Variants in ANOS1 observed in about 807,000 individuals in gnomAD.
ANOS1 encodes anosmin-1.
In ANOS1, 6 loss-of-function variants were observed where a neutral mutation model predicts 59.0. The observed-to-expected ratio is 0.10, with a 90% CI of 0.06 to 0.20. ANOS1 has a LOEUF of 0.20. Among genes scored for constraint, ANOS1 ranks in the 10% least tolerant of loss-of-function variants. ANOS1 has a pLI of 1.00. For missense variants in ANOS1, 433 were observed against 542.3 expected (o/e 0.80, Z 2.00); for synonymous variants, 217 against 223.4 (o/e 0.97, Z 0.25).
chrX:8,679,002 A>G (rs1932379200), intron 2 of ANOS1, among the ~76,000 whole-genome samples: 1 of 111,716 alleles, frequency 9.0e-6, no homozygotes, highest in African/African-American at 3.3e-5. Context: ...CGGCTCATAT[A>G]ATCTACAGAG....
At chrX:8,725,727 GATATATATATACAGAT>G (rs1420301667) in intron 1 of ANOS1, among the ~76,000 whole-genome samples, 2 of 44,386 alleles carry the variant, frequency 4.5e-5, no homozygotes, top group South Asian at 7.2e-4. Context: ...TATATATACA[GATATATATATACAGAT>G]ATATATATAT....
At position 8,722,020 on chromosome X, in the gene ANOS1, C is replaced by A. The variant is rs185986579; in HGVS notation, c.207+9810G>T. On this transcript the variant is annotated intron_variant, in intron 1 of 13. Coordinates refer to ENST00000262648, the MANE Select transcript of ANOS1 (RefSeq NM_000216.4). ...TTTCCCTAAAAAGATAAACACCCTC[C>A]CTCCTCTGAGATCTCATACAAAAAA... Among the ~76,000 whole-genome samples, 9 of 111,410 alleles carry A rather than the reference C, an allele frequency of 8.1e-5. No homozygotes were observed. The East Asian group carries it at 2.3e-3, about 28-fold the overall frequency.
rs1601958691 is a variant in ANOS1 at position 8,570,537 on chromosome X, C to A, written c.1024G>T (p.Val342Phe). ...TTTCTCCGCTTCTTCTTTGTTGGGA[C>A]AAGAGACTTACTGCTGACCATCCAG... ...WSWMVSSKSL[V>F]PTKKKRRKTT... Residue 342 changes from valine (V) to phenylalanine (F), a missense_variant, in exon 7 of 14, where the codon GTC (valine) becomes TTC (phenylalanine). Physicochemically the swap from Val to Phe is conservative, Grantham distance 50 (BLOSUM62 -1). Coordinates refer to ENST00000262648, the MANE Select transcript of ANOS1 (RefSeq NM_000216.4). The A allele has an allele frequency of 2.5e-6, 3 of 1,209,656 alleles. No homozygotes were observed. The highest frequency in any genetic ancestry group is 3.4e-6 in the Non-Finnish European group (3 of 894,871).
At chrX:8,648,377 C>T (rs1931793847) in intron 2 of ANOS1, among the ~76,000 whole-genome samples, 1 of 106,310 alleles carries the variant, frequency 9.4e-6, no homozygotes, top group African/African-American at 3.5e-5. Context: ...AGGAAAATTG[C>T]TTAAACCTGG....
intron 1 of ANOS1, among the ~76,000 whole-genome samples, chrX:8,726,970 C>T (rs1932925961): frequency 8.9e-6 from 1 of 112,035 alleles, no homozygotes; most frequent in African/African-American, 3.2e-5. Context: ...TGAGGAACCG[C>T]CACTCCAAAG....
At chrX:8,667,213 T>G (rs1296199449) in intron 2 of ANOS1, among the ~76,000 whole-genome samples, 1 of 111,545 alleles carries the variant, frequency 9.0e-6, no homozygotes, top group East Asian at 2.8e-4. Flanking sequence ...TGAGTTTACA[T>G]TGGTTTGACT....
At chrX:8,544,642 G>A (rs1441155994) in intron 9 of ANOS1, among the ~76,000 whole-genome samples, 1 of 111,229 alleles carries the variant, frequency 9.0e-6, no homozygotes, top group Non-Finnish European at 1.9e-5. Flanking sequence ...CCATCAAGAT[G>A]CAGTGGCTCA....
intron 2 of ANOS1, among the ~76,000 whole-genome samples, chrX:8,689,901 C>G (rs1303048269): frequency 9.0e-6 from 1 of 111,416 alleles, no homozygotes; most frequent in Non-Finnish European, 1.9e-5. Flanking sequence ...AAATTTACAT[C>G]CAGTGGTTTA....
At chrX:8,556,104 G>C (rs1319296279) in intron 8 of ANOS1, among the ~76,000 whole-genome samples, 1 of 112,097 alleles carries the variant, frequency 8.9e-6, no homozygotes, top group Admixed American at 9.5e-5. Flanking sequence ...AATAGATGCA[G>C]AAAAGGCCTT....
chrX:8,579,649 C>T lies in ANOS1; in HGVS notation c.856+5618G>A, dbSNP rs1050772467. ...TGTGCTAGGCTGTTTCAGGGCACAC[C>T]AGCTCAACTTCTGAATGCCCTCCCA... is the stretch of plus-strand genomic sequence containing the variant. On this transcript the variant is annotated intron_variant, in intron 6 of 13. Coordinates refer to ENST00000262648, the MANE Select transcript of ANOS1 (RefSeq NM_000216.4). 3.6e-5 allele frequency among the ~76,000 whole-genome samples: 4 copies of T among 111,358 alleles called. No homozygotes were observed. In the South Asian group the frequency reaches 1.5e-3, roughly 43 times the overall value.
At chrX:8,630,372 G>A (rs1320061481) in intron 2 of ANOS1, among the ~76,000 whole-genome samples, 3 of 106,253 alleles carry the variant, frequency 2.8e-5, no homozygotes, top group East Asian at 6.0e-4. Flanking sequence ...TGGAAGTTGC[G>A]TGAGCTGAAA....
chrX:8,625,909 G>A (rs1036815057), intron 2 of ANOS1, among the ~76,000 whole-genome samples: 11 of 109,372 alleles, frequency 1.0e-4, no homozygotes, highest in Non-Finnish European at 1.9e-4. Flanking sequence ...TCAGGAGATC[G>A]AGACCATCCT....
At chrX:8,625,063 C>A (rs1227557392) in intron 2 of ANOS1, among the ~76,000 whole-genome samples, 1 of 110,322 alleles carries the variant, frequency 9.1e-6, no homozygotes, top group Non-Finnish European at 1.9e-5. Flanking sequence ...GAGCCGAGAT[C>A]GGGCCACTGC....
intron 7 of ANOS1, among the ~76,000 whole-genome samples, chrX:8,568,659 T>G (rs1407221479): frequency 9.1e-6 from 1 of 109,467 alleles, no homozygotes; most frequent in Admixed American, 9.8e-5. Context: ...ATAGCAAGAC[T>G]GTCTCTACAA....
At chrX:8,727,101 G>A (rs183189511) in intron 1 of ANOS1, among the ~76,000 whole-genome samples, 2 of 112,140 alleles carry the variant, frequency 1.8e-5, no homozygotes, top group East Asian at 5.6e-4. Flanking sequence ...CTAGGCTTGG[G>A]GTATGCTCTG....
At chrX:8,664,988 C>T (rs1932110549) in intron 2 of ANOS1, among the ~76,000 whole-genome samples, 1 of 111,767 alleles carries the variant, frequency 8.9e-6, no homozygotes, top group African/African-American at 3.3e-5. Flanking sequence ...TAAGCAGGCA[C>T]ACAAAATGAT....
At chrX:8,644,840 A>G (rs978730900) in intron 2 of ANOS1, among the ~76,000 whole-genome samples, 5 of 112,742 alleles carry the variant, frequency 4.4e-5, no homozygotes, top group African/African-American at 1.6e-4. Context: ...ATGACCTGGA[A>G]GCCCTCTGCT....
chrX:8,569,904 T>C (rs938949793), intron 7 of ANOS1, among the ~76,000 whole-genome samples: 7 of 111,924 alleles, frequency 6.3e-5, no homozygotes, highest in Non-Finnish European at 1.3e-4. Context: ...TTTCAAATAA[T>C]ACAAGATGCT....
chrX:8,711,467 G>A (rs1329712552), intron 1 of ANOS1, among the ~76,000 whole-genome samples: 1 of 112,818 alleles, frequency 8.9e-6, no homozygotes, highest in Non-Finnish European at 1.9e-5. Flanking sequence ...ACCATGGGTG[G>A]TAAGCTCTCA....
Sources: allele counts gnomAD v4.1 joint callset (sites outside exome capture counted in the v4.1 genomes callset), GRCh38; gene constraint gnomAD v4.1.1; transcripts MANE v1.5; gene names NCBI Gene and HGNC (gene_info 2026-07-23, HGNC 2026-07-21).